EXOC6: variants seen among roughly 807,000 people sequenced by gnomAD.
EXOC6 encodes exocyst complex component 6.
EXOC6 carries 60 observed loss-of-function variants against 112.5 expected under a neutral mutation model. The ratio of observed to expected loss-of-function variants is 0.53; its 90% confidence interval spans 0.43 to 0.66. The LOEUF is 0.66. Ranked by LOEUF, EXOC6 falls within the 30% of genes least tolerant of loss-of-function variation. The pLI, the probability that EXOC6 is intolerant of heterozygous loss-of-function variation, is 0.00. For synonymous variants in EXOC6, 295 were observed against 308.0 expected, an observed-to-expected ratio of 0.96 and a Z score of 0.44; for missense variants, 855 against 957.1, an observed-to-expected ratio of 0.89 and a Z score of 1.41.
At chr10:92,998,242 A>C (rs1843585510) in intron 19 of EXOC6, among the ~76,000 whole-genome samples, 1 of 152,174 alleles carries the variant, frequency 6.6e-6, no homozygotes, top group Non-Finnish European at 1.5e-5. Flanking sequence ...CTCAAATTAT[A>C]ATTCTTTAAG....
At chr10:92,941,032 C>T (rs6583850) in intron 13 of EXOC6, among the ~76,000 whole-genome samples, 58,935 of 151,900 alleles carry the variant, frequency 0.39, 11,754 homozygotes, top group Middle Eastern at 0.5. Flanking sequence ...ATTTCCAGAA[C>T]GTTTTCATCT....
chr10:92,828,282 T>C (rs1846417761), intron 1 of EXOC6, among the ~76,000 whole-genome samples: 1 of 152,230 alleles, frequency 6.6e-6, no homozygotes, highest in Non-Finnish European at 1.5e-5. Flanking sequence ...GTTGTTTTCC[T>C]GAGATGAGGT....
intron 1 of EXOC6, among the ~76,000 whole-genome samples, chr10:92,879,461 T>A (rs1317784795): frequency 6.6e-6 from 1 of 152,160 alleles, no homozygotes; most frequent in Admixed American, 6.5e-5. Flanking sequence ...AGTGAGACTC[T>A]GTCTCTAAAA....
chr10:92,891,865 G>C (rs1452528927), intron 1 of EXOC6, among the ~76,000 whole-genome samples: 1 of 152,102 alleles, frequency 6.6e-6, no homozygotes, highest in Non-Finnish European at 1.5e-5. Context: ...ACCTAAGACA[G>C]AGGCTACCCT....
At chr10:92,928,295 TGTGTGTATG>T in intron 8 of EXOC6, 35 bp from the exon 9 acceptor site, 1 of 1,049,700 alleles carries the variant, frequency 9.5e-7, no homozygotes, top group African/African-American at 1.6e-5. Context: ...TAGTTGTATG[TGTGTGTATG>T]TGTATTTTTC....
intron 20 of EXOC6, among the ~76,000 whole-genome samples, chr10:93,025,822 A>G (rs1177353225): frequency 3.3e-5 from 5 of 152,220 alleles, no homozygotes; most frequent in Non-Finnish European, 5.9e-5. Flanking sequence ...CTACATCTAT[A>G]GAACACATAG....
At chr10:92,892,376 C>T (rs1849550481) in intron 1 of EXOC6, among the ~76,000 whole-genome samples, 1 of 152,206 alleles carries the variant, frequency 6.6e-6, no homozygotes, top group East Asian at 1.9e-4. Flanking sequence ...TGTGTGGTAA[C>T]ACGCATGGAG....
chr10:92,928,536 A>C (rs1227782462), intron 9 of EXOC6, 114 bp downstream of exon 9: 4 of 621,616 alleles, frequency 6.4e-6, no homozygotes, highest in Non-Finnish European at 1.1e-5. Context: ...TTTATTGAAC[A>C]CCTACCATTT....
chr10:92,930,163 G>A lies in EXOC6; in HGVS notation c.972+1741G>A, dbSNP rs1851948413. On this transcript the variant is annotated intron_variant, in intron 9 of 21. Coordinates refer to ENST00000260762, the MANE Select transcript of EXOC6 (RefSeq NM_019053.6). ...ACACGCTTTACATGTGCACATGGAA[G>A]ATTCACCAATATCATATTCTGGGCC... Among the ~76,000 whole-genome samples, 4 of 152,140 alleles carry A rather than the reference G, an allele frequency of 2.6e-5. No individual in the cohort carries two copies. In the South Asian group the frequency reaches 8.3e-4, roughly 31 times the overall value.
intron 13 of EXOC6, among the ~76,000 whole-genome samples, chr10:92,946,531 C>G (rs1435009398): frequency 6.6e-6 from 1 of 152,152 alleles, no homozygotes; most frequent in Admixed American, 6.5e-5. Context: ...TCTCTGTGTT[C>G]ATTATTAGGC....
intron 4 of EXOC6, among the ~76,000 whole-genome samples, chr10:92,896,117 A>ATGTGTGTGTGTG (rs1245572073): frequency 1.5e-5 from 1 of 66,296 alleles, no homozygotes; most frequent in African/African-American, 6.5e-5. Context: ...ATGTGTATAT[A>ATGTGTGTGTGTG]TATGTGTGTG....
intron 20 of EXOC6, among the ~76,000 whole-genome samples, chr10:93,026,083 C>T (rs1235571243): frequency 6.6e-6 from 1 of 152,192 alleles, no homozygotes; most frequent in Admixed American, 6.5e-5. Context: ...TTCATTCACT[C>T]CCTTCGTTGT....
chr10:93,040,479 C>G (rs1159040679), intron 20 of EXOC6, among the ~76,000 whole-genome samples: 2 of 152,158 alleles, frequency 1.3e-5, no homozygotes, highest in Non-Finnish European at 1.5e-5. Context: ...GATCTCCTGA[C>G]CTCGTGATCC....
At chr10:92,946,585 A>G (rs1052690094) in intron 13 of EXOC6, among the ~76,000 whole-genome samples, 3 of 151,950 alleles carry the variant, frequency 2.0e-5, no homozygotes, top group Non-Finnish European at 4.4e-5. Context: ...TTCCTATGAC[A>G]TTCCCTTTCC....
chr10:93,026,745 A>T (rs1411878150), intron 20 of EXOC6, among the ~76,000 whole-genome samples: 2 of 152,170 alleles, frequency 1.3e-5, no homozygotes, highest in Non-Finnish European at 2.9e-5. Flanking sequence ...ATATAAGATG[A>T]TGAACTTAAT....
At chr10:92,830,671 AC>A (rs1029764239), upstream of EXOC6, among the ~76,000 whole-genome samples, 1 of 152,162 alleles carries the variant, frequency 6.6e-6, no homozygotes, top group African/African-American at 2.4e-5. Flanking sequence ...CCCACCTCCC[AC>A]GGTGACAATC....
chr10:92,893,502 T>A lies in EXOC6; in HGVS notation c.255T>A (p.Thr85=), dbSNP rs763032814. 5 of 1,598,012 alleles carry A rather than the reference T, an allele frequency of 3.1e-6. No individual in the cohort carries two copies. The Admixed American group carries it at 9.0e-5, about 29-fold the overall frequency. Residue 85 remains threonine (T), a synonymous_variant, in exon 2 of 22, where the codon ACT becomes ACA. Coordinates refer to ENST00000260762, the MANE Select transcript of EXOC6 (RefSeq NM_019053.6). Reference sequence around the variant, plus strand: ...TTACAGAACTCCTTAAAGTAAGGACTGATGCAGAAAAACTGAAGGTAAGAA... The same window carrying A: ...TTACAGAACTCCTTAAAGTAAGGACAGATGCAGAAAAACTGAAGGTAAGAA... ...DAITELLKVR[T]DAEKLKVQVT... is the part of the protein sequence containing the mutation.
chr10:92,881,730 A>G (rs940482967), intron 1 of EXOC6, among the ~76,000 whole-genome samples: 2 of 152,188 alleles, frequency 1.3e-5, no homozygotes, highest in East Asian at 1.9e-4. Context: ...TATAGTTCCC[A>G]TAATCCCCAA....
intron 18 of EXOC6, among the ~76,000 whole-genome samples, chr10:92,996,927 T>C (rs896392513): frequency 6.6e-6 from 1 of 152,052 alleles, no homozygotes; most frequent in East Asian, 1.9e-4. Context: ...TTTCTGCCAG[T>C]GATTGAAGCT....
Sources: allele counts gnomAD v4.1 joint callset (sites outside exome capture counted in the v4.1 genomes callset), GRCh38; gene constraint gnomAD v4.1.1; transcripts MANE v1.5; gene names NCBI Gene and HGNC (gene_info 2026-07-23, HGNC 2026-07-21).